The following CACNA1B variants were observed in gnomAD, a reference collection of about 807,000 sequenced individuals.
CACNA1B encodes the protein voltage-dependent N-type calcium channel subunit alpha-1B.
In CACNA1B, 70 loss-of-function variants were observed where a neutral mutation model predicts 247.2. The ratio of observed to expected loss-of-function variants is 0.28; its 90% confidence interval spans 0.23 to 0.35. CACNA1B has a LOEUF of 0.35. Among genes scored for constraint, CACNA1B ranks in the 10% least tolerant of loss-of-function variants. The pLI, the probability that CACNA1B is intolerant of heterozygous loss-of-function variation, is 1.00. For synonymous variants in CACNA1B, 1,231 were observed against 1,294.4 expected (o/e 0.95, Z 1.05); for missense variants, 2,367 against 3,197.4 (o/e 0.74, Z 6.26).
intron 10 of CACNA1B, among the ~76,000 whole-genome samples, chr9:137,969,353 G>T (rs1230676708): frequency 6.6e-6 from 1 of 152,238 alleles, no homozygotes; most frequent in Non-Finnish European, 1.5e-5. Context: ...GACTATGGTT[G>T]TGCCTGTGAC....
chr9:137,894,599 G>A (rs937267726), intron 3 of CACNA1B, among the ~76,000 whole-genome samples: 2 of 152,052 alleles, frequency 1.3e-5, no homozygotes, highest in East Asian at 1.9e-4. Flanking sequence ...TAGTAGAGAC[G>A]GGGTTTCACC....
intron 39 of CACNA1B, among the ~76,000 whole-genome samples, chr9:138,109,932 G>T (rs1411028123): frequency 6.6e-6 from 1 of 151,968 alleles, no homozygotes; most frequent in Non-Finnish European, 1.5e-5. Flanking sequence ...CTGCTGGTGT[G>T]CACCTGTAGT....
chr9:137,924,352 C>T (rs1173481405), intron 6 of CACNA1B, among the ~76,000 whole-genome samples: 1 of 149,690 alleles, frequency 6.7e-6, no homozygotes, highest in Non-Finnish European at 1.5e-5. Flanking sequence ...TCCTTCCCTC[C>T]CTCCTTCCCT....
chr9:137,994,270 T>C (rs1381552913), intron 15 of CACNA1B, among the ~76,000 whole-genome samples: 1 of 152,130 alleles, frequency 6.6e-6, no homozygotes, highest in Non-Finnish European at 1.5e-5. Flanking sequence ...TTGAAAGTAT[T>C]CTCCCAAGAA....
intron 38 of CACNA1B, among the ~76,000 whole-genome samples, chr9:138,103,949 G>T (rs541759175): frequency 1.3e-5 from 2 of 152,208 alleles, no homozygotes; most frequent in Non-Finnish European, 2.9e-5. Flanking sequence ...CATTGTGCCT[G>T]CCTGGGGGTT....
intron 10 of CACNA1B, among the ~76,000 whole-genome samples, chr9:137,961,784 A>G (rs1006625869): frequency 1.3e-5 from 2 of 152,168 alleles, no homozygotes; most frequent in African/African-American, 2.4e-5. Flanking sequence ...TTGGTTTGCC[A>G]GTATTTTGTT....
At chr9:137,910,365 TG>T (rs982430119) in intron 3 of CACNA1B, among the ~76,000 whole-genome samples, 6 of 152,308 alleles carry the variant, frequency 3.9e-5, no homozygotes, top group African/African-American at 1.4e-4. Flanking sequence ...TAGTGCCCTC[TG>T]GTGCAGCAGC....
rs1188825035 is a variant in CACNA1B, at chr9:138,120,806, C to T, written c.6414C>T (p.Pro2138=). 1.9e-6 allele frequency: 3 copies of T among 1,560,858 alleles called. No homozygotes were observed. The Admixed American group carries it at 5.8e-5, about 30-fold the overall frequency. ...YSCDRFGGRE[P]PKPKPSLSSH... ...GCGACCGCTTTGGGGGCCGTGAGCC[C>T]CCGAAGCCCAAGCCCTCCCTCAGCA... Residue 2138 remains proline (P), a synonymous_variant, in exon 46 of 47, where the codon CCC becomes CCT. Transcript: ENST00000371372.
At chr9:138,092,141 C>T (rs10123067) in intron 36 of CACNA1B, among the ~76,000 whole-genome samples, 30,565 of 152,168 alleles carry the variant, frequency 0.2, 3,459 homozygotes, top group East Asian at 0.36. Flanking sequence ...CCATGTCCCA[C>T]TAGGCACTCA....
At position 138,102,712 on chromosome 9, in the gene CACNA1B, G is replaced by A; in HGVS notation, c.5224G>A (p.Gly1742Arg). 1 of 1,607,436 alleles carries A rather than the reference G, an allele frequency of 6.2e-7. No individual in the cohort carries two copies. Among genetic ancestry groups the A allele is most frequent in the Non-Finnish European group, 8.5e-7 (1 of 1,175,534 alleles). Reference protein sequence around the residue: ...VWAEYDPAACGRISYNDMFEM... With the variant: ...VWAEYDPAACRRISYNDMFEM... ...GGCCTCGCTGGGACGGGTTTCCAGT[G>A]GGCGCATCAGTTACAATGACATGTT... is the stretch of plus-strand genomic sequence containing the variant. The change falls in exon 38 of 47, where the codon GGG (glycine) becomes AGG (arginine). Residue 1742 changes from glycine to arginine, a missense_variant and splice_region_variant. Gly to Arg is a moderately radical substitution (Grantham distance 125). Coordinates refer to ENST00000371372, the MANE Select transcript of CACNA1B (RefSeq NM_000718.4). The surrounding 1 kb of genome is among the most constrained non-coding windows in gnomAD (Gnocchi z 5.4).
At chr9:137,916,998 G>T (rs1957420254) in intron 5 of CACNA1B, among the ~76,000 whole-genome samples, 1 of 152,150 alleles carries the variant, frequency 6.6e-6, no homozygotes, top group African/African-American at 2.4e-5. Context: ...TGGTGGGCAG[G>T]TTCCAGTAGG....
intron 6 of CACNA1B, among the ~76,000 whole-genome samples, chr9:137,939,431 T>C (rs2133316353): frequency 6.6e-6 from 1 of 151,946 alleles, no homozygotes; most frequent in East Asian, 1.9e-4. Flanking sequence ...ACCATGCAAA[T>C]ACATGGAAAT....
In CACNA1B at chr9:137,933,428, T is replaced by C. The variant is rs111525047; in HGVS notation, c.966+15997T>C. On this transcript the variant is annotated intron_variant, in intron 6 of 46. Transcript: ENST00000371372. ...TAATACAAAGTGGCACCTGCAATTT[T>C]AGCTCTGTGTACATTTATATTGGGC... 8.1e-3 allele frequency among the ~76,000 whole-genome samples: 1,227 copies of C among 152,312 alleles called. 7 individuals are homozygous for C. The highest frequency in any genetic ancestry group is 0.012 in the South Asian group (59 of 4,822).
chr9:138,014,607 G>T lies in CACNA1B; in HGVS notation c.2267+1372G>T, dbSNP rs577366973. On this transcript the variant is annotated intron_variant, in intron 18 of 46. Coordinates refer to ENST00000371372, the MANE Select transcript of CACNA1B (RefSeq NM_000718.4). The surrounding 1 kb of genome is among the most constrained non-coding windows in gnomAD (Gnocchi z 6.2). ...CTTAGTTTGGTTACTTGGTCCAGGG[G>T]TTTGCTACCAGGGCTCTGTGAGCTC... Among the ~76,000 whole-genome samples the T allele has an allele frequency of 6.6e-6, 1 of 152,314 alleles. No homozygotes were observed. Among genetic ancestry groups the T allele is most frequent in the East Asian group, 1.9e-4 (1 of 5,184 alleles).
At chr9:137,995,913 A>G (rs1958494613) in intron 15 of CACNA1B, among the ~76,000 whole-genome samples, 1 of 152,236 alleles carries the variant, frequency 6.6e-6, no homozygotes, top group South Asian at 2.1e-4. Context: ...ATATGGAAAA[A>G]TGCTTAACAT....
intron 36 of CACNA1B, among the ~76,000 whole-genome samples, chr9:138,078,521 G>C (rs1377736781): frequency 1.3e-5 from 2 of 152,220 alleles, no homozygotes; most frequent in African/African-American, 2.4e-5. Flanking sequence ...TTAACTTCCA[G>C]CTTCTAGAAG....
intron 13 of CACNA1B, among the ~76,000 whole-genome samples, chr9:137,984,493 T>C (rs771613659): frequency 6.6e-6 from 1 of 152,274 alleles, no homozygotes; most frequent in African/African-American, 2.4e-5. Flanking sequence ...TCACTTGCTT[T>C]CCACGATTTC....
chr9:138,041,535 G>A (rs1959122662), intron 20 of CACNA1B, among the ~76,000 whole-genome samples: 1 of 152,016 alleles, frequency 6.6e-6, no homozygotes. Flanking sequence ...GTCTGTTGCA[G>A]TTTTCATTTT....
chr9:138,099,431 C>A (rs1961173380), intron 37 of CACNA1B, among the ~76,000 whole-genome samples: 2 of 152,034 alleles, frequency 1.3e-5, no homozygotes, highest in Non-Finnish European at 2.9e-5. Flanking sequence ...ACATGTGCAC[C>A]TGTGTGTGCA....
Sources: allele counts gnomAD v4.1 joint callset (sites outside exome capture counted in the v4.1 genomes callset), GRCh38; gene constraint gnomAD v4.1.1; non-coding constraint Gnocchi (gnomAD v3.1); transcripts MANE v1.5; gene names NCBI Gene and HGNC (gene_info 2026-07-23, HGNC 2026-07-21).